Variants in FAF2 observed in about 807,000 individuals in gnomAD.
The protein encoded by FAF2 is Fas associated factor family member 2.
In FAF2, 9 loss-of-function variants were observed where a neutral mutation model predicts 62.3. The observed-to-expected ratio is 0.14, with a 90% CI of 0.09 to 0.25. FAF2 has a LOEUF of 0.25. FAF2 is among the 10% of genes least tolerant of loss of function. FAF2 has a pLI of 1.00. For missense variants in FAF2, 368 were observed against 556.2 expected (o/e 0.66, Z 3.40); for synonymous variants, 202 against 198.0 (o/e 1.02, Z -0.17).
At chr5:176,493,842 G>A (rs1759016282) in intron 5 of FAF2, among the ~76,000 whole-genome samples, 157 bp from the exon 6 acceptor site, 1 of 152,152 alleles carries the variant, frequency 6.6e-6, no homozygotes, top group Non-Finnish European at 1.5e-5. Flanking sequence ...GGGGTGTGAA[G>A]GTAGGAGCTC....
chr5:176,488,140 G>C (rs1200113574), intron 3 of FAF2, among the ~76,000 whole-genome samples: 1 of 152,136 alleles, frequency 6.6e-6, no homozygotes, highest in Non-Finnish European at 1.5e-5. Context: ...ACCACACCCA[G>C]CTAATTTTTG....
At chr5:176,464,561 T>C in intron 1 of FAF2, among the ~76,000 whole-genome samples, 1 of 139,962 alleles carries the variant, frequency 7.1e-6, no homozygotes, top group South Asian at 2.4e-4. Context: ...GGCACAACCA[T>C]AGCTCACTGT....
At chr5:176,491,048 CAG>C (rs763006219) in intron 4 of FAF2, among the ~76,000 whole-genome samples, 50 of 152,226 alleles carry the variant, frequency 3.3e-4, no homozygotes, top group East Asian at 5.8e-4. Flanking sequence ...ATTGTATACA[CAG>C]GGGGAATTTG....
At chr5:176,450,441 T>C (rs1758142347) in intron 1 of FAF2, among the ~76,000 whole-genome samples, 1 of 152,212 alleles carries the variant, frequency 6.6e-6, no homozygotes, top group African/African-American at 2.4e-5. Flanking sequence ...TGAAGTAATG[T>C]GAGTTATAAA....
chr5:176,456,427 A>T (rs1758278426), intron 1 of FAF2, among the ~76,000 whole-genome samples: 1 of 152,190 alleles, frequency 6.6e-6, no homozygotes, highest in South Asian at 2.1e-4. Flanking sequence ...TAGGGAAAAG[A>T]TCAGAACAGA....
chr5:176,493,907 A>G (rs1759017365), intron 5 of FAF2, 92 bp from the exon 6 acceptor site: 2 of 838,784 alleles, frequency 2.4e-6, no homozygotes, highest in African/African-American at 3.4e-5. Flanking sequence ...TTTTGTTCCT[A>G]AATACATAAC....
At chr5:176,495,135 G>C (rs1220295724) in intron 7 of FAF2, among the ~76,000 whole-genome samples, 3 of 152,132 alleles carry the variant, frequency 2.0e-5, no homozygotes, top group African/African-American at 7.2e-5. Context: ...AGTATTTTTA[G>C]ACGGTTAGTA....
intron 7 of FAF2, among the ~76,000 whole-genome samples, chr5:176,495,597 C>G (rs1759045688): frequency 6.6e-6 from 1 of 151,524 alleles, no homozygotes; most frequent in African/African-American, 2.4e-5. Context: ...CTGCAGCCTC[C>G]ACCTCCCGGG....
intron 1 of FAF2, among the ~76,000 whole-genome samples, chr5:176,471,849 C>T: frequency 6.6e-6 from 1 of 151,680 alleles, no homozygotes; most frequent in Middle Eastern, 3.2e-3. Context: ...GCCACTATGC[C>T]CAGCTAATTT....
At chr5:176,449,372 C>T (rs1039061189) in intron 1 of FAF2, among the ~76,000 whole-genome samples, 1 of 152,168 alleles carries the variant, frequency 6.6e-6, no homozygotes, top group East Asian at 1.9e-4. Flanking sequence ...GTCAGGAGTT[C>T]GAGACCACTC....
At chr5:176,505,023 GAAA>G (rs571061959) in intron 10 of FAF2, among the ~76,000 whole-genome samples, 9 of 122,112 alleles carry the variant, frequency 7.4e-5, no homozygotes, top group East Asian at 2.3e-4. Flanking sequence ...ACCTGTCTGG[GAAA>G]AAAAAAAAAA....
At chr5:176,500,845 CG>C (rs562808876) in intron 10 of FAF2, among the ~76,000 whole-genome samples, 159 of 152,202 alleles carry the variant, frequency 1.0e-3, no homozygotes, top group Non-Finnish European at 1.6e-3. Flanking sequence ...ATAATAAGCA[CG>C]GCTGGGCCCC....
At chr5:176,452,576 T>C (rs778162473) in intron 1 of FAF2, among the ~76,000 whole-genome samples, 6 of 152,176 alleles carry the variant, frequency 3.9e-5, no homozygotes, top group Non-Finnish European at 8.8e-5. Context: ...CTAATATACC[T>C]TGCTACTTTG....
intron 1 of FAF2, among the ~76,000 whole-genome samples, chr5:176,471,545 G>C (rs1758570067): frequency 6.6e-6 from 1 of 151,784 alleles, no homozygotes; most frequent in South Asian, 2.1e-4. Flanking sequence ...ACCATGCCTG[G>C]CTAATTTTTG....
chr5:176,490,568 C>T (rs1758956298), intron 4 of FAF2, among the ~76,000 whole-genome samples: 1 of 152,104 alleles, frequency 6.6e-6, no homozygotes, highest in African/African-American at 2.4e-5. Context: ...GTGGGTCCAG[C>T]AGCTGCATAA....
At chr5:176,465,749 TGGGAGGCTGA>T in intron 1 of FAF2, among the ~76,000 whole-genome samples, 1 of 152,216 alleles carries the variant, frequency 6.6e-6, no homozygotes, top group East Asian at 1.9e-4. Flanking sequence ...AATGGGTACC[TGGGAGGCTGA>T]GGCAGGAGAA....
intron 2 of FAF2, among the ~76,000 whole-genome samples, chr5:176,485,139 C>T (rs548796556): frequency 6.6e-6 from 1 of 152,154 alleles, no homozygotes; most frequent in Admixed American, 6.6e-5. Context: ...TGACAGCATT[C>T]AAGTTCGGTA....
chr5:176,448,808 C>T (rs544760555), intron 1 of FAF2, among the ~76,000 whole-genome samples: 1 of 152,250 alleles, frequency 6.6e-6, no homozygotes, highest in South Asian at 2.1e-4. Context: ...CTATATCTGC[C>T]GGAGAAGCTT....
At chr5:176,484,548 G>A (rs564994407) in intron 2 of FAF2, among the ~76,000 whole-genome samples, 5 of 152,246 alleles carry the variant, frequency 3.3e-5, no homozygotes, top group African/African-American at 1.2e-4. Context: ...TAGTGATGCT[G>A]GCAACTCAGC....
Sources: gnomAD v4.1 joint callset for allele counts (sites outside exome capture counted in the v4.1 genomes callset) on GRCh38, gnomAD v4.1.1 for gene constraint, MANE v1.5 for transcripts, NCBI Gene and HGNC (gene_info 2026-07-23, HGNC 2026-07-21) for gene names.